The following NID1 variants were observed in gnomAD, a reference collection of about 807,000 sequenced individuals.
The protein encoded by NID1 is nidogen 1.
In NID1, 76 loss-of-function variants were observed where a neutral mutation model predicts 130.6. The observed-to-expected ratio is 0.58, with a 90% confidence interval of 0.48 to 0.70. The LOEUF is 0.70. Among genes scored for constraint, NID1 ranks in the 30% least tolerant of loss-of-function variants. The pLI is 0.00. For missense variants in NID1, 1,517 were observed against 1,664.8 expected (o/e 0.91, Z 1.54); for synonymous variants, 665 against 675.1 (o/e 0.98, Z 0.23).
chr1:236,005,842 T>A (rs1658231925), intron 12 of NID1, among the ~76,000 whole-genome samples: 1 of 152,184 alleles, frequency 6.6e-6, no homozygotes, highest in African/African-American at 2.4e-5. Context: ...AGTAATAATA[T>A]CATCATAAAT....
In NID1 at chr1:235,983,984, T is replaced by TA. The variant is rs76847820; in HGVS notation, c.3055+1394dup. Among the ~76,000 whole-genome samples, 748 of 140,462 alleles carry TA rather than the reference T, an allele frequency of 5.3e-3. 3 individuals are homozygous for TA. The highest frequency in any genetic ancestry group is 0.013 in the African/African-American group (510 of 38,390). 92.1% of individuals were successfully genotyped at this position (140,462 alleles called of 152,430 possible). A position where few individuals can be genotyped will look rare whatever the true frequency, so the allele number is the denominator to read the frequency against. On this transcript the variant is annotated intron_variant, in intron 15 of 19. Coordinates refer to ENST00000264187, the MANE Select transcript of NID1 (RefSeq NM_002508.3). ...GATAACTGGAAGCTTCTTTCTCTCT[T>TA]AAAAAAAAAAAAAAGAAAATTATTC...
chr1:236,041,791 A>G (rs923706325), intron 4 of NID1, 119 bp downstream of exon 4: 2 of 1,323,384 alleles, frequency 1.5e-6, no homozygotes, highest in Non-Finnish European at 2.1e-6. Flanking sequence ...CTACTTTCCC[A>G]AGCTCTTATC....
chr1:236,031,492 T>C (rs1345520170), intron 6 of NID1, among the ~76,000 whole-genome samples: 34 of 152,232 alleles, frequency 2.2e-4, no homozygotes, highest in Non-Finnish European at 7.3e-5. Flanking sequence ...CCATAACTTT[T>C]GGAGGGGTTA....
chr1:236,033,075 AG>A (rs1171756314), intron 5 of NID1, among the ~76,000 whole-genome samples: 1 of 152,238 alleles, frequency 6.6e-6, no homozygotes, highest in Non-Finnish European at 1.5e-5. Context: ...TGGGAGGCCG[AG>A]GCAGGCAGAT....
intron 13 of NID1, among the ~76,000 whole-genome samples, chr1:235,991,550 C>T (rs1464549009): frequency 2.0e-5 from 3 of 152,124 alleles, no homozygotes; most frequent in African/African-American, 7.2e-5. Flanking sequence ...CCAGGCTGGT[C>T]TCGAACTCCT....
At position 235,975,997 on chromosome 1, in the gene NID1, T is replaced by G. The variant is rs1657237185; in HGVS notation, c.*1870A>C. The G allele has an allele frequency of 6.6e-6, 1 of 152,554 alleles. No individual in the cohort carries two copies. The allele number at this position is 152,554 out of a possible 1,614,324, so 9.5% of individuals were successfully genotyped here. A position where few individuals can be genotyped will look rare whatever the true frequency, so the allele number is the denominator to read the frequency against. On this transcript the variant is annotated 3_prime_UTR_variant, in exon 20 of 20. Coordinates refer to ENST00000264187, the MANE Select transcript of NID1 (RefSeq NM_002508.3). The stretch of plus-strand genomic sequence containing the variant: ...AAATTTTAGAATAAATCTAATAAAA[T>G]GAATAAAATAGTTATAAAAATCATA...
chr1:236,002,980 G>T (rs12085222), intron 12 of NID1, among the ~76,000 whole-genome samples: 3,698 of 152,138 alleles, frequency 0.024, 164 homozygotes, highest in African/African-American at 0.085. Flanking sequence ...AAGGCTGAGT[G>T]CAAATCCTCC....
chr1:236,021,403 A>C (rs1192269213), intron 9 of NID1, among the ~76,000 whole-genome samples: 1 of 152,246 alleles, frequency 6.6e-6, no homozygotes, highest in African/African-American at 2.4e-5. Context: ...TACAGCCTGC[A>C]CTATGCGCAC....
intron 13 of NID1, among the ~76,000 whole-genome samples, chr1:235,991,724 A>T (rs969505899): frequency 1.3e-5 from 2 of 152,210 alleles, no homozygotes; most frequent in Non-Finnish European, 2.9e-5. Flanking sequence ...CAGCACCAGC[A>T]GCACCAGCGG....
At chr1:235,986,030 G>C in intron 14 of NID1, among the ~76,000 whole-genome samples, 1 of 151,984 alleles carries the variant, frequency 6.6e-6, no homozygotes, top group East Asian at 1.9e-4. Flanking sequence ...CAAAGTGCTG[G>C]GATTACCAGC....
At chr1:236,004,012 G>GCA (rs1468442225) in intron 12 of NID1, among the ~76,000 whole-genome samples, 1 of 128,886 alleles carries the variant, frequency 7.8e-6, no homozygotes, top group Non-Finnish European at 1.6e-5. Flanking sequence ...CAGCCTGAAT[G>GCA]ACAGAGTGAG....
At chr1:236,021,956 T>C (rs1016237937) in intron 9 of NID1, among the ~76,000 whole-genome samples, 1 of 152,216 alleles carries the variant, frequency 6.6e-6, no homozygotes, top group Admixed American at 6.5e-5. Context: ...CAGAGACTTG[T>C]GTTCAAATAC....
chr1:236,038,620 G>C (rs560094209), intron 4 of NID1, among the ~76,000 whole-genome samples: 1 of 151,260 alleles, frequency 6.6e-6, no homozygotes. Context: ...AGAACAATGA[G>C]CTTCATGTTT....
In NID1 at chr1:236,064,709, G is replaced by A. The variant is rs564101669; in HGVS notation, c.225+146C>T. 1.7e-3 allele frequency: 1,178 copies of A among 708,634 alleles called. 7 individuals are homozygous for A. In the African/African-American group the frequency reaches 0.018, roughly 11 times the overall value. 43.9% of individuals were successfully genotyped at this position (708,634 alleles called of 1,614,324 possible). A position where few individuals can be genotyped will look rare whatever the true frequency, so the allele number is the denominator to read the frequency against. On this transcript the variant is annotated intron_variant, in intron 1 of 19. Coordinates refer to ENST00000264187, the MANE Select transcript of NID1 (RefSeq NM_002508.3). ...GAAGACCTTCGCGGACCCTGCAGAG[G>A]CGGGAGACCCTGCGCCGTGCCCGGT...
At chr1:236,026,481 T>C (rs1018684991) in intron 7 of NID1, among the ~76,000 whole-genome samples, 6 of 152,200 alleles carry the variant, frequency 3.9e-5, no homozygotes, top group African/African-American at 1.4e-4. Flanking sequence ...GAGACGCCCC[T>C]GAATTCACAC....
At position 235,979,794 on chromosome 1, in the gene NID1, G is replaced by A. The variant is rs767542741; in HGVS notation, c.3509+28C>T. 1.5e-5 allele frequency: 24 copies of A among 1,609,822 alleles called. No homozygotes were observed. Among genetic ancestry groups the A allele is most frequent in the Middle Eastern group, 1.7e-4 (1 of 5,972 alleles). On this transcript the variant is annotated intron_variant, in intron 18 of 19. Transcript: ENST00000264187. This position sits in a 1 kb window ranked among gnomAD's most constrained non-coding sequence, Gnocchi z 4.6. ...ACAGTGGGTGGAGGGGCAGGCCCAC[G>A]CAGCCCCCATGGCTACAGCTGACGT...
chr1:235,981,990 T>C (rs2102792391), intron 15 of NID1, among the ~76,000 whole-genome samples: 1 of 152,304 alleles, frequency 6.6e-6, no homozygotes, highest in South Asian at 2.1e-4. Context: ...TCTGTGGGTA[T>C]CCATCATGCT....
In NID1 at chr1:236,042,270, C is replaced by T. The variant is rs779813667; in HGVS notation, c.775G>A (p.Gly259Ser). ...CTCCCAATCTCAAACACCCAGACACCCTGCTGCCCAGAGTTACTACTCCTA... is the reference window on the plus strand; with the variant it reads ...CTCCCAATCTCAAACACCCAGACACTCTGCTGCCCAGAGTTACTACTCCTA... Reference protein sequence around the residue: ...LAKSSNSGQQGVWVFEIGSPA... With the variant: ...LAKSSNSGQQSVWVFEIGSPA... Residue 259 changes from glycine (G) to serine (S), a missense_variant, in exon 4 of 20, where the codon GGT becomes AGT. Transcript: ENST00000264187. 6.2e-7 allele frequency: 1 copy of T among 1,604,992 alleles called. No individual in the cohort carries two copies. Among genetic ancestry groups the T allele is most frequent in the Non-Finnish European group, 8.5e-7 (1 of 1,179,908 alleles).
intron 7 of NID1, among the ~76,000 whole-genome samples, chr1:236,028,899 G>A (rs1198793482): frequency 1.3e-5 from 2 of 152,208 alleles, no homozygotes; most frequent in East Asian, 1.9e-4. Flanking sequence ...AGATGTGGCC[G>A]GGCGCAGTTG....
Sources: allele counts gnomAD v4.1 joint callset (sites outside exome capture counted in the v4.1 genomes callset), GRCh38; gene constraint gnomAD v4.1.1; non-coding constraint Gnocchi (gnomAD v3.1); transcripts MANE v1.5; gene names NCBI Gene and HGNC (gene_info 2026-07-23, HGNC 2026-07-21).